Variants in DGKB observed in about 807,000 individuals in gnomAD.
DGKB encodes the protein 90 kDa diacylglycerol kinase.
Under a neutral mutation model 114.3 loss-of-function variants are expected in DGKB, and 67 were observed. The ratio of observed to expected loss-of-function variants is 0.59; its 90% CI spans 0.48 to 0.72. DGKB has a LOEUF of 0.72. DGKB is among the 30% of genes least tolerant of loss of function. The pLI, the probability that DGKB is intolerant of heterozygous loss-of-function variation, is 0.00. For missense variants in DGKB, 907 were observed against 975.2 expected, an observed-to-expected ratio of 0.93 and a Z score of 0.93; for synonymous variants, 398 against 323.1, an observed-to-expected ratio of 1.23 and a Z score of -2.49.
At chr7:14,290,597 G>C (rs914707443) in intron 23 of DGKB, among the ~76,000 whole-genome samples, 1 of 152,114 alleles carries the variant, frequency 6.6e-6, no homozygotes, top group Admixed American at 6.6e-5. Context: ...TTGTGATGTG[G>C]AAGGAAATGA....
intron 4 of DGKB, among the ~76,000 whole-genome samples, chr7:14,741,109 C>G (rs1231813702): frequency 6.6e-6 from 1 of 152,114 alleles, no homozygotes; most frequent in East Asian, 1.9e-4. Context: ...TTAATCCTGT[C>G]TCCATACTAC....
At chr7:14,247,631 G>A (rs562144213) in intron 23 of DGKB, among the ~76,000 whole-genome samples, 1 of 152,004 alleles carries the variant, frequency 6.6e-6, no homozygotes, top group African/African-American at 2.4e-5. Flanking sequence ...ATATCTTTTG[G>A]CCATTTGTAT....
At chr7:14,562,875 G>A (rs1240969587) in intron 20 of DGKB, among the ~76,000 whole-genome samples, 1 of 152,142 alleles carries the variant, frequency 6.6e-6, no homozygotes, top group Non-Finnish European at 1.5e-5. Flanking sequence ...GAAAAGGCAT[G>A]ATTGTGTTTT....
chr7:14,329,550 C>T (rs1316561722), intron 23 of DGKB, among the ~76,000 whole-genome samples: 1 of 151,814 alleles, frequency 6.6e-6, no homozygotes, highest in Non-Finnish European at 1.5e-5. Flanking sequence ...CTGTTTCATA[C>T]TTTCTGTAGC....
chr7:14,231,522 G>A (rs1017885074), intron 23 of DGKB, among the ~76,000 whole-genome samples: 6 of 151,842 alleles, frequency 4.0e-5, no homozygotes, highest in African/African-American at 1.5e-4. Context: ...ATCATGAAAA[G>A]ATTTCTGCAG....
chr7:14,971,731 C>A (rs1396749327), intron 1 of DGKB, among the ~76,000 whole-genome samples: 1 of 150,978 alleles, frequency 6.6e-6, no homozygotes, highest in Admixed American at 6.6e-5. Flanking sequence ...ACAGCAATAC[C>A]TAAACTTGCC....
chr7:14,956,038 T>C (rs1440390626), intron 1 of DGKB, among the ~76,000 whole-genome samples: 1 of 151,852 alleles, frequency 6.6e-6, no homozygotes, highest in African/African-American at 2.4e-5. Flanking sequence ...ACAAATAACA[T>C]TGGCAAAACT....
intron 20 of DGKB, among the ~76,000 whole-genome samples, chr7:14,530,433 T>A (rs551883579): frequency 2.6e-5 from 4 of 151,666 alleles, no homozygotes; most frequent in African/African-American, 9.6e-5. Flanking sequence ...TGTATGGAAG[T>A]ATGATTGACC....
chr7:14,348,606 TA>T (rs1031958653), intron 21 of DGKB, among the ~76,000 whole-genome samples: 1 of 151,290 alleles, frequency 6.6e-6, no homozygotes, highest in Admixed American at 6.6e-5. Context: ...TTAAAAAAAG[TA>T]AAAAAAATCT....
chr7:14,750,549 T>C (rs564963544), intron 4 of DGKB, among the ~76,000 whole-genome samples: 1 of 152,236 alleles, frequency 6.6e-6, no homozygotes, highest in Non-Finnish European at 1.5e-5. Flanking sequence ...CTTACTTGAT[T>C]GGACTGCTTC....
At chr7:14,775,993 T>C (rs1268673996) in intron 2 of DGKB, among the ~76,000 whole-genome samples, 2 of 152,082 alleles carry the variant, frequency 1.3e-5, no homozygotes, top group African/African-American at 4.8e-5. Flanking sequence ...ACTTGTGGAA[T>C]GGCTTTGACC....
intron 1 of DGKB, among the ~76,000 whole-genome samples, chr7:14,923,461 A>G (rs1387803890): frequency 6.6e-6 from 1 of 152,184 alleles, no homozygotes; most frequent in Non-Finnish European, 1.5e-5. Flanking sequence ...TTCCACTCAA[A>G]GCTCTGTTTC....
chr7:14,314,224 C>T (rs561759922), intron 23 of DGKB, among the ~76,000 whole-genome samples: 3 of 152,106 alleles, frequency 2.0e-5, no homozygotes, highest in African/African-American at 4.8e-5. Flanking sequence ...AATCAGAGCG[C>T]CTCTCCTCCT....
At chr7:14,243,429 G>C (rs1002709644) in intron 23 of DGKB, among the ~76,000 whole-genome samples, 2 of 152,136 alleles carry the variant, frequency 1.3e-5, no homozygotes, top group African/African-American at 4.8e-5. Context: ...AAAATTCCTA[G>C]AACCATATAG....
intron 5 of DGKB, 23 bp from the exon 6 acceptor site, chr7:14,718,708 A>G: frequency 6.4e-7 from 1 of 1,570,874 alleles, no homozygotes; most frequent in South Asian, 1.2e-5. Context: ...TTGTCTTTAT[A>G]TTTTGTTAAT....
chr7:14,528,999 T>C (rs1563412755), intron 20 of DGKB, among the ~76,000 whole-genome samples: 1 of 151,880 alleles, frequency 6.6e-6, no homozygotes, highest in Non-Finnish European at 1.5e-5. Flanking sequence ...ATCAAGGGGG[T>C]AGTTTAACTT....
chr7:14,194,778 G>T (rs558950168), intron 23 of DGKB, among the ~76,000 whole-genome samples: 1 of 152,198 alleles, frequency 6.6e-6, no homozygotes, highest in Admixed American at 6.6e-5. Context: ...TCTAGTTTTT[G>T]AAAACAACCA....
intron 17 of DGKB, among the ~76,000 whole-genome samples, chr7:14,605,709 G>A (rs984207146): frequency 1.3e-5 from 2 of 151,700 alleles, no homozygotes; most frequent in Non-Finnish European, 2.9e-5. Flanking sequence ...TGAGATGAGA[G>A]AACAGGGCTA....
At chr7:14,323,014 C>A (rs1346055207) in intron 23 of DGKB, among the ~76,000 whole-genome samples, 2 of 152,104 alleles carry the variant, frequency 1.3e-5, no homozygotes. Flanking sequence ...GCTGAACATG[C>A]ACATACCTTA....
Sources: allele counts gnomAD v4.1 joint callset (sites outside exome capture counted in the v4.1 genomes callset), GRCh38; gene constraint gnomAD v4.1.1; transcripts MANE v1.5; gene names NCBI Gene and HGNC (gene_info 2026-07-23, HGNC 2026-07-21).